Variants in SHISA9 observed in about 807,000 individuals in gnomAD.
SHISA9 encodes shisa family member 9.
A neutral mutation model predicts 38.0 loss-of-function variants in SHISA9; 13 were observed. That is an observed-to-expected ratio of 0.34 (90% CI 0.22 to 0.54). The LOEUF (loss-of-function observed/expected upper bound fraction) is 0.54, where lower values mean the gene tolerates loss of function less well. Among genes scored for constraint, SHISA9 ranks in the 20% least tolerant of loss-of-function variants. The pLI, the probability that SHISA9 is intolerant of heterozygous loss-of-function variation, is 0.91. For synonymous variants in SHISA9, 275 were observed against 242.0 expected, an observed-to-expected ratio of 1.14 and a Z score of -1.27; for missense variants, 538 against 575.8, an observed-to-expected ratio of 0.93 and a Z score of 0.67.
chr16:13,515,155 C>G, the SHISA9 span, among the ~76,000 whole-genome samples: 1 of 152,060 alleles, frequency 6.6e-6, no homozygotes, highest in Non-Finnish European at 1.5e-5. Context: ...GTCTGCACCC[C>G]CTGCTCAATG....
chr16:13,434,687 G>C, the SHISA9 span, among the ~76,000 whole-genome samples: 1 of 151,928 alleles, frequency 6.6e-6, no homozygotes, highest in South Asian at 2.1e-4. Flanking sequence ...CAAAGTGCTG[G>C]GATTACAGGC....
At chr16:13,059,505 G>A (rs1432848832) in intron 2 of SHISA9, among the ~76,000 whole-genome samples, 1 of 152,004 alleles carries the variant, frequency 6.6e-6, no homozygotes, top group Non-Finnish European at 1.5e-5. Flanking sequence ...TCACATACTG[G>A]GGCCTGTCAG....
chr16:12,929,054 A>G (rs1192663934), intron 2 of SHISA9, among the ~76,000 whole-genome samples: 1 of 152,214 alleles, frequency 6.6e-6, no homozygotes. Flanking sequence ...AACATTACTG[A>G]TCATTAGAGA....
chr16:12,922,413 C>A (rs1046377242), intron 2 of SHISA9, among the ~76,000 whole-genome samples: 4 of 152,256 alleles, frequency 2.6e-5, no homozygotes, highest in Non-Finnish European at 5.9e-5. Context: ...GCCCTCTGTG[C>A]ATCTGATCTT....
At chr16:13,006,104 G>C (rs768884252) in intron 2 of SHISA9, among the ~76,000 whole-genome samples, 1 of 152,220 alleles carries the variant, frequency 6.6e-6, no homozygotes, top group African/African-American at 2.4e-5. Flanking sequence ...ACTGACTTCA[G>C]ATGAGCTTTT....
intron 2 of SHISA9, among the ~76,000 whole-genome samples, chr16:12,937,120 A>G (rs1274617935): frequency 6.6e-6 from 1 of 152,106 alleles, no homozygotes; most frequent in African/African-American, 2.4e-5. Flanking sequence ...TTAAGAATTG[A>G]GTTTTAGATG....
At chr16:13,253,225 A>G in the SHISA9 span, among the ~76,000 whole-genome samples, 1 of 152,172 alleles carries the variant, frequency 6.6e-6, no homozygotes, top group Non-Finnish European at 1.5e-5. Flanking sequence ...TACTAGTTAA[A>G]TTTTGGAATA....
chr16:13,363,935 CCTG>C, the SHISA9 span, among the ~76,000 whole-genome samples: 1 of 152,182 alleles, frequency 6.6e-6, no homozygotes, highest in Non-Finnish European at 1.5e-5. Flanking sequence ...CCCTCCCAGA[CCTG>C]CTGGATCAGA....
intron 2 of SHISA9, among the ~76,000 whole-genome samples, chr16:12,966,939 C>A (rs1047900096): frequency 6.6e-6 from 1 of 152,158 alleles, no homozygotes; most frequent in Non-Finnish European, 1.5e-5. Flanking sequence ...CAACAGGTTT[C>A]CTGGGTGCCT....
Position 13,235,754 on chromosome 16 carries a change from G to A in SHISA9, c.*345G>A. On this transcript the variant is annotated 3_prime_UTR_variant, in exon 5 of 5. Coordinates refer to ENST00000558583, the MANE Select transcript of SHISA9 (RefSeq NM_001145204.3). ...CTCCTAACTTGAAACTGAAATCCATGGTGACAAAATATAAAAGTAGCACAA... is the reference window on the plus strand; with the variant it reads ...CTCCTAACTTGAAACTGAAATCCATAGTGACAAAATATAAAAGTAGCACAA... 1 of 272,170 alleles carries A rather than the reference G, an allele frequency of 3.7e-6. No individual in the cohort carries two copies. Among genetic ancestry groups the A allele is most frequent in the Non-Finnish European group, 6.9e-6 (1 of 145,308 alleles). 16.9% of individuals were successfully genotyped at this position (272,170 alleles called of 1,614,324 possible).
intron 2 of SHISA9, among the ~76,000 whole-genome samples, chr16:12,932,917 G>A (rs2071480568): frequency 6.6e-6 from 1 of 152,120 alleles, no homozygotes. Flanking sequence ...AGAACAGAAG[G>A]ATGGTGCTCG....
chr16:13,204,054 CTTCT>C (rs1181471152), intron 3 of SHISA9, among the ~76,000 whole-genome samples: 1 of 152,128 alleles, frequency 6.6e-6, no homozygotes, highest in Non-Finnish European at 1.5e-5. Context: ...TCCATCCATC[CTTCT>C]ATCCATCTAC....
At chr16:13,525,089 A>C in the SHISA9 span, among the ~76,000 whole-genome samples, 1 of 152,130 alleles carries the variant, frequency 6.6e-6, no homozygotes, top group South Asian at 2.1e-4. Flanking sequence ...GATAAAACAG[A>C]GGTTTCTGGC....
At chr16:13,211,068 A>G (rs941514373) in intron 3 of SHISA9, among the ~76,000 whole-genome samples, 28 of 151,902 alleles carry the variant, frequency 1.8e-4, no homozygotes, top group African/African-American at 6.6e-4. Context: ...AGGCCAAAGC[A>G]GACAGATCAC....
chr16:12,903,302 C>T (rs957379359), intron 1 of SHISA9, among the ~76,000 whole-genome samples: 1 of 152,226 alleles, frequency 6.6e-6, no homozygotes, highest in African/African-American at 2.4e-5. Context: ...CTGCCCGGGG[C>T]CGTGGCCATC....
intron 2 of SHISA9, among the ~76,000 whole-genome samples, chr16:13,177,998 A>G (rs184805418): frequency 1.2e-4 from 18 of 152,318 alleles, no homozygotes; most frequent in South Asian, 4.1e-4. Flanking sequence ...AGGTTGTTCC[A>G]GTCCCTGGAA....
chr16:13,163,320 A>G (rs2050611184), intron 2 of SHISA9, among the ~76,000 whole-genome samples: 1 of 152,184 alleles, frequency 6.6e-6, no homozygotes, highest in Admixed American at 6.5e-5. Context: ...GTTATTTAAC[A>G]TCTCTAAGCC....
intron 2 of SHISA9, among the ~76,000 whole-genome samples, chr16:13,099,325 G>A (rs1404464778): frequency 6.6e-6 from 1 of 152,166 alleles, no homozygotes; most frequent in African/African-American, 2.4e-5. Context: ...CTTTCCTGGA[G>A]CAGGAAGACA....
chr16:13,184,594 A>C (rs977807494), intron 2 of SHISA9, among the ~76,000 whole-genome samples: 2 of 152,186 alleles, frequency 1.3e-5, no homozygotes, highest in Non-Finnish European at 2.9e-5. Flanking sequence ...TTGTTCCCCC[A>C]CCACCAATTC....
Sources: gnomAD v4.1 joint callset for allele counts (sites outside exome capture counted in the v4.1 genomes callset) on GRCh38, gnomAD v4.1.1 for gene constraint, MANE v1.5 for transcripts, NCBI Gene and HGNC (gene_info 2026-07-23, HGNC 2026-07-21) for gene names.